The following GPBP1 variants were observed in gnomAD, a reference collection of about 807,000 sequenced individuals.
GPBP1 encodes the protein GC-rich promoter binding protein 1.
GPBP1 carries 13 observed loss-of-function variants against 56.5 expected under a neutral mutation model. The ratio of observed to expected loss-of-function variants is 0.23; its 90% CI spans 0.15 to 0.37. The LOEUF (loss-of-function observed/expected upper bound fraction) is 0.37. GPBP1 is among the 10% of genes least tolerant of loss of function. The pLI is 1.00. For missense variants in GPBP1, 477 were observed against 572.3 expected (o/e 0.83, Z 1.70); for synonymous variants, 204 against 188.9 (o/e 1.08, Z -0.66).
intron 2 of GPBP1, among the ~76,000 whole-genome samples, chr5:57,189,015 G>T (rs78846975): frequency 6.6e-6 from 1 of 152,036 alleles, no homozygotes; most frequent in South Asian, 2.1e-4. Context: ...TCTTTGCGAC[G>T]AAGTTTCACT....
chr5:57,232,874 A>G (rs1490950965), intron 5 of GPBP1, among the ~76,000 whole-genome samples: 1 of 152,238 alleles, frequency 6.6e-6, no homozygotes, highest in East Asian at 1.9e-4. Flanking sequence ...TAACATAGGC[A>G]TGAGTCATCA....
At chr5:57,178,918 CATTT>C (rs931608188) in intron 2 of GPBP1, among the ~76,000 whole-genome samples, 72 of 152,240 alleles carry the variant, frequency 4.7e-4, no homozygotes, top group African/African-American at 1.7e-3. Context: ...TAGTGGCTAA[CATTT>C]ATAGATGATG....
chr5:57,207,555 C>T (rs1755283456), intron 2 of GPBP1, among the ~76,000 whole-genome samples: 1 of 152,196 alleles, frequency 6.6e-6, no homozygotes, highest in Non-Finnish European at 1.5e-5. Flanking sequence ...CCCTTTTAGT[C>T]TAGCCATCCA....
At chr5:57,230,480 G>A (rs1466077707) in intron 3 of GPBP1, among the ~76,000 whole-genome samples, 1 of 152,176 alleles carries the variant, frequency 6.6e-6, no homozygotes, top group African/African-American at 2.4e-5. Flanking sequence ...ATTTTTCTCT[G>A]ATGTAGAAGG....
intron 2 of GPBP1, among the ~76,000 whole-genome samples, chr5:57,183,804 C>T (rs1754170912): frequency 7.2e-6 from 1 of 138,434 alleles, no homozygotes; most frequent in Admixed American, 7.7e-5. Context: ...CAGGGTCTCA[C>T]TCTATCACCC....
chr5:57,196,035 A>G (rs1291826600), intron 2 of GPBP1, among the ~76,000 whole-genome samples: 2 of 147,112 alleles, frequency 1.4e-5, no homozygotes, highest in East Asian at 2.0e-4. Context: ...AAGGGTTGAG[A>G]TATGTAAAAG....
chr5:57,239,630 A>T (rs1740726295), intron 6 of GPBP1, among the ~76,000 whole-genome samples: 1 of 152,092 alleles, frequency 6.6e-6, no homozygotes, highest in African/African-American at 2.4e-5. Flanking sequence ...AAATACAAAA[A>T]TTAGCTGGGC....
intron 2 of GPBP1, among the ~76,000 whole-genome samples, chr5:57,176,941 C>T (rs945505514): frequency 2.0e-5 from 3 of 152,022 alleles, no homozygotes; most frequent in African/African-American, 7.2e-5. Flanking sequence ...CATAGTTGTT[C>T]CTAACATATT....
chr5:57,178,469 C>T (rs946014343), intron 2 of GPBP1, among the ~76,000 whole-genome samples: 8 of 152,192 alleles, frequency 5.3e-5, no homozygotes, highest in African/African-American at 1.7e-4. Context: ...TGGCCTTGAA[C>T]TCCTGACCTC....
intron 2 of GPBP1, among the ~76,000 whole-genome samples, chr5:57,191,669 C>T (rs1350979379): frequency 2.6e-5 from 4 of 151,626 alleles, no homozygotes; most frequent in African/African-American, 9.7e-5. Flanking sequence ...TCAAGTGATT[C>T]TCCTGCCTCA....
intron 3 of GPBP1, among the ~76,000 whole-genome samples, chr5:57,223,256 A>T (rs1040832060): frequency 2.0e-5 from 3 of 151,874 alleles, no homozygotes; most frequent in African/African-American, 7.3e-5. Context: ...ACGCCCAGCT[A>T]ATTTTTGTAT....
intron 3 of GPBP1, among the ~76,000 whole-genome samples, chr5:57,216,792 G>A (rs1183892161): frequency 6.6e-6 from 1 of 152,030 alleles, no homozygotes. Flanking sequence ...TCGTGTTTCT[G>A]TACTATTCTT....
intron 2 of GPBP1, among the ~76,000 whole-genome samples, chr5:57,199,191 T>C (rs1754891743): frequency 6.6e-6 from 1 of 152,240 alleles, no homozygotes; most frequent in East Asian, 1.9e-4. Flanking sequence ...TTGTACGTAA[T>C]CATACTCCTG....
At chr5:57,200,480 G>A (rs1754966070) in intron 2 of GPBP1, among the ~76,000 whole-genome samples, 1 of 143,752 alleles carries the variant, frequency 7.0e-6, no homozygotes, top group Non-Finnish European at 1.5e-5. Context: ...TGATTCTTCT[G>A]CCTCAGCCTC....
intron 10 of GPBP1, among the ~76,000 whole-genome samples, chr5:57,256,747 T>A (rs895091788): frequency 8.5e-5 from 13 of 152,342 alleles, no homozygotes; most frequent in African/African-American, 3.1e-4. Flanking sequence ...GGCTAGTTGA[T>A]ATGAAACTGT....
chr5:57,262,759 T>A lies in GPBP1; in HGVS notation c.*7T>A. 6.2e-7 allele frequency: 1 copy of A among 1,610,640 alleles called. No homozygotes were observed. Among genetic ancestry groups the A allele is most frequent in the Non-Finnish European group, 8.5e-7 (1 of 1,177,588 alleles). On this transcript the variant is annotated 3_prime_UTR_variant, in exon 12 of 12. Transcript: ENST00000506184. ...AGATGACGACGATGTGTGAAGGATT[T>A]CCTAACAGCTTTAGAAATCTTAGTG...
intron 3 of GPBP1, among the ~76,000 whole-genome samples, chr5:57,219,824 A>AG (rs1364915271): frequency 6.6e-6 from 1 of 152,100 alleles, no homozygotes; most frequent in African/African-American, 2.4e-5. Context: ...AGGCCGAAGC[A>AG]GGGGGATCAC....
intron 3 of GPBP1, among the ~76,000 whole-genome samples, chr5:57,220,964 A>G (rs557286091): frequency 6.6e-6 from 1 of 152,224 alleles, no homozygotes; most frequent in African/African-American, 2.4e-5. Context: ...TCTCTTTTTA[A>G]TATTGTTCTG....
At chr5:57,216,438 G>A (rs1412709968) in intron 3 of GPBP1, among the ~76,000 whole-genome samples, 2 of 152,068 alleles carry the variant, frequency 1.3e-5, no homozygotes, top group African/African-American at 4.8e-5. Context: ...ACAAAACACC[G>A]TGGTCGGGCG....
Sources: gnomAD v4.1 joint callset for allele counts (sites outside exome capture counted in the v4.1 genomes callset) on GRCh38, gnomAD v4.1.1 for gene constraint, MANE v1.5 for transcripts, NCBI Gene and HGNC (gene_info 2026-07-23, HGNC 2026-07-21) for gene names.